RBFOX1: variants seen among roughly 807,000 people sequenced by gnomAD.
RBFOX1 encodes RNA binding protein fox-1 homolog 1.
Under a neutral mutation model 57.7 loss-of-function variants are expected in RBFOX1, and 8 were observed. The observed-to-expected ratio is 0.14, with a 90% CI of 0.08 to 0.25. The LOEUF (loss-of-function observed/expected upper bound fraction) is 0.25. Ranked by LOEUF, RBFOX1 falls within the 10% of genes least tolerant of loss-of-function variation. The probability of loss-of-function intolerance (pLI) is 1.00; values close to 1 mark genes in which losing one functional copy is unlikely to be tolerated. For synonymous variants in RBFOX1, 326 were observed against 222.4 expected (o/e 1.47, Z -4.15); for missense variants, 611 against 548.5 (o/e 1.11, Z -1.14).
At chr16:7,438,834 G>A (rs780641959) in intron 4 of RBFOX1, among the ~76,000 whole-genome samples, 8 of 152,088 alleles carry the variant, frequency 5.3e-5, no homozygotes, top group Non-Finnish European at 8.8e-5. Context: ...TTTCAACCAC[G>A]CCAAGCAGCT....
rs185150134 is a variant in RBFOX1, at chr16:7,251,589, T to C, written c.27+199491T>C. 1.3e-3 allele frequency among the ~76,000 whole-genome samples: 203 copies of C among 152,158 alleles called. 1 individual carries two copies. The highest frequency in any genetic ancestry group is 3.5e-3 in the Admixed American group (53 of 15,282). ...TCGCCGCCATCAAGCCCAGCTAATT[T>C]TTGTATTTTTAGTGGAGACGAAGTT... On this transcript the variant is annotated intron_variant, in intron 4 of 15. Transcript: ENST00000550418.
chr16:6,382,664 A>G (rs2091922607), intron 2 of RBFOX1, among the ~76,000 whole-genome samples: 1 of 152,136 alleles, frequency 6.6e-6, no homozygotes, highest in African/African-American at 2.4e-5. Flanking sequence ...GTTCTAGAGC[A>G]GCCTGGTCAA....
intron 3 of RBFOX1, among the ~76,000 whole-genome samples, chr16:5,704,414 TGGTGG>T (rs1342341501): frequency 6.6e-6 from 1 of 150,986 alleles, no homozygotes; most frequent in African/African-American, 2.4e-5. Context: ...TCACAGGGAG[TGGTGG>T]GGTGTGATTT....
intron 5 of RBFOX1, among the ~76,000 whole-genome samples, chr16:7,543,667 C>CTGTGTGTGTGTGTGTG: frequency 7.1e-6 from 1 of 141,520 alleles, no homozygotes; most frequent in East Asian, 2.1e-4. Flanking sequence ...TGGGCAGTAT[C>CTGTGTGTGTGTGTGTG]TGTGTGTGTG....
chr16:7,461,659 C>G (rs1343938610), intron 4 of RBFOX1, among the ~76,000 whole-genome samples: 1 of 152,172 alleles, frequency 6.6e-6, no homozygotes, highest in Non-Finnish European at 1.5e-5. Context: ...GAATTCATAA[C>G]AACCCCATTC....
chr16:6,301,887 G>C (rs1046411422), intron 1 of RBFOX1, among the ~76,000 whole-genome samples: 4 of 152,034 alleles, frequency 2.6e-5, no homozygotes, highest in Non-Finnish European at 5.9e-5. Context: ...ATCCTTACGG[G>C]GATCCGGTAG....
In RBFOX1 at chr16:7,708,963, C is replaced by G. The variant is rs889459596; in HGVS notation, c.996-93C>G. Reference sequence around the variant, plus strand: ...TTCTCACTGGAAGATGAGTAGGGCCCCTGCATACTGTCTTGGTATTTTGGA... The same window carrying G: ...TTCTCACTGGAAGATGAGTAGGGCCGCTGCATACTGTCTTGGTATTTTGGA... On this transcript the variant is annotated intron_variant, in intron 14 of 15. Transcript: ENST00000550418. The G allele has an allele frequency of 6.8e-6, 8 of 1,168,020 alleles. No homozygotes were observed. In the African/African-American group the frequency reaches 1.1e-4, roughly 15 times the overall value. The allele number at this position is 1,168,020 out of a possible 1,614,324, so 72.4% of individuals were successfully genotyped here. A position where few individuals can be genotyped will look rare whatever the true frequency, so the allele number is the denominator to read the frequency against.
chr16:5,656,807 C>T (rs1040014881), intron 3 of RBFOX1, among the ~76,000 whole-genome samples: 8 of 151,994 alleles, frequency 5.3e-5, no homozygotes, highest in African/African-American at 1.7e-4. Context: ...CATTGATGGG[C>T]GTTTGGGTTG....
chr16:6,856,339 C>G (rs2057896129), intron 3 of RBFOX1, among the ~76,000 whole-genome samples: 1 of 152,112 alleles, frequency 6.6e-6, no homozygotes, highest in South Asian at 2.1e-4. Flanking sequence ...GAAGCCACGT[C>G]TGAATTCTGA....
rs534829107 is a variant in RBFOX1, at chr16:6,952,706, G to A, written c.-15-99351G>A. ...AATTATCCTTGGTAGGGCCGGGCAC[G>A]GTGGCTCATGCCTGTCAGCTCAGCA... On this transcript the variant is annotated intron_variant, in intron 3 of 15. Transcript: ENST00000550418. Among the ~76,000 whole-genome samples, 186 of 152,092 alleles carry A rather than the reference G, an allele frequency of 1.2e-3. 1 individual carries two copies. The highest frequency in any genetic ancestry group is 2.3e-3 in the Non-Finnish European group (154 of 67,956).
At chr16:5,662,312 G>C (rs936491614) in intron 3 of RBFOX1, among the ~76,000 whole-genome samples, 2 of 152,048 alleles carry the variant, frequency 1.3e-5, no homozygotes, top group Admixed American at 6.6e-5. Context: ...TTTTGTTTGT[G>C]TGAACGCTCT....
intron 4 of RBFOX1, among the ~76,000 whole-genome samples, chr16:7,103,560 A>G (rs2063066610): frequency 6.6e-6 from 1 of 152,150 alleles, no homozygotes; most frequent in Non-Finnish European, 1.5e-5. Context: ...ATGTATAGAT[A>G]GATTGATAAT....
At chr16:6,070,840 A>T (rs1360940083) in intron 1 of RBFOX1, among the ~76,000 whole-genome samples, 1 of 150,596 alleles carries the variant, frequency 6.6e-6, no homozygotes, top group Non-Finnish European at 1.5e-5. Flanking sequence ...ACACATTTGC[A>T]CTAAACTTCT....
At chr16:6,712,883 GTTTTTTTTTTTTTT>G (rs61328266) in intron 3 of RBFOX1, among the ~76,000 whole-genome samples, 1 of 83,018 alleles carries the variant, frequency 1.2e-5, no homozygotes, top group Non-Finnish European at 2.4e-5. Context: ...TCATGGGGGT[GTTTTTTTTTTTTTT>G]TTTTTTTTTT....
intron 2 of RBFOX1, among the ~76,000 whole-genome samples, chr16:6,433,054 C>T (rs1484001150): frequency 3.3e-5 from 5 of 152,148 alleles, no homozygotes; most frequent in African/African-American, 1.2e-4. Context: ...TGCCATCCTT[C>T]GGGCTGTTGA....
chr16:6,692,532 T>G (rs958575411), intron 3 of RBFOX1, among the ~76,000 whole-genome samples: 2 of 152,152 alleles, frequency 1.3e-5, no homozygotes, highest in Non-Finnish European at 2.9e-5. Flanking sequence ...TCCTGGTTCC[T>G]CTCTGAATTA....
intron 3 of RBFOX1, among the ~76,000 whole-genome samples, chr16:5,614,431 G>A (rs1252113734): frequency 1.3e-5 from 2 of 152,062 alleles, no homozygotes; most frequent in Non-Finnish European, 2.9e-5. Context: ...CAGTTCACTG[G>A]CACAGAGTCG....
intron 3 of RBFOX1, among the ~76,000 whole-genome samples, chr16:6,962,199 A>C (rs56299707): frequency 0.022 from 3,276 of 152,132 alleles, 121 homozygotes; most frequent in African/African-American, 0.075. Flanking sequence ...GAATGACTCC[A>C]ACTCTGCTTG....
chr16:6,386,997 A>C lies in RBFOX1; in HGVS notation c.-64+69940A>C, dbSNP rs542451153. 1.2e-4 allele frequency among the ~76,000 whole-genome samples: 18 copies of C among 152,330 alleles called. 1 individual carries two copies. In the East Asian group the frequency reaches 3.5e-3, roughly 29 times the overall value. On this transcript the variant is annotated intron_variant, in intron 2 of 15. Transcript: ENST00000550418. ...GATTCCGCAAAGATGAAGCTCAGAG[A>C]GTACCCAGGAACATGACTGGGGTCA... is the stretch of plus-strand genomic sequence containing the variant.
Sources: gnomAD v4.1 joint callset for allele counts (sites outside exome capture counted in the v4.1 genomes callset) on GRCh38, gnomAD v4.1.1 for gene constraint, MANE v1.5 for transcripts, NCBI Gene and HGNC (gene_info 2026-07-23, HGNC 2026-07-21) for gene names.